REXO5: variants seen among roughly 807,000 people sequenced by gnomAD.
The protein encoded by REXO5 is exonuclease NEF-sp.
Under a neutral mutation model 88.5 loss-of-function variants are expected in REXO5, and 48 were observed. The observed-to-expected ratio is 0.54, with a 90% CI of 0.43 to 0.69. The LOEUF is 0.69. REXO5 is among the 30% of genes least tolerant of loss of function. The probability of loss-of-function intolerance (pLI) is 0.00; values close to 1 mark genes in which losing one functional copy is unlikely to be tolerated. For synonymous variants in REXO5, 311 were observed against 336.5 expected, an observed-to-expected ratio of 0.92 and a Z score of 0.83; for missense variants, 749 against 912.2, an observed-to-expected ratio of 0.82 and a Z score of 2.30.
intron 11 of REXO5, among the ~76,000 whole-genome samples, chr16:20,828,791 G>A (rs369850828): frequency 3.5e-4 from 54 of 152,228 alleles, no homozygotes; most frequent in African/African-American, 1.3e-3. Context: ...GCCAGGTGTG[G>A]TGGCGCGTGC....
At chr16:20,807,335 T>G in intron 2 of REXO5, 1 of 491,610 alleles carries the variant, frequency 2.0e-6, no homozygotes, top group Non-Finnish European at 3.6e-6. Flanking sequence ...TTCCAGCACT[T>G]TGGGAGGCCG....
chr16:20,842,504 G>A (rs1254610352), intron 15 of REXO5, among the ~76,000 whole-genome samples: 1 of 147,600 alleles, frequency 6.8e-6, no homozygotes, highest in Non-Finnish European at 1.5e-5. Context: ...TTTGAGATAG[G>A]GTCTTGCTCA....
At chr16:20,812,641 A>C (rs538695079) in intron 2 of REXO5, among the ~76,000 whole-genome samples, 1 of 152,186 alleles carries the variant, frequency 6.6e-6, no homozygotes, top group Non-Finnish European at 1.5e-5. Context: ...GCATTGATCT[A>C]TGATCTGGCT....
intron 15 of REXO5, 144 bp from the exon 16 acceptor site, chr16:20,843,790 T>G: frequency 2.0e-6 from 1 of 494,308 alleles, no homozygotes; most frequent in Non-Finnish European, 3.6e-6. Context: ...GTTGACAGTT[T>G]ACAATCAATA....
intron 6 of REXO5, among the ~76,000 whole-genome samples, chr16:20,823,143 G>A (rs1412099494): frequency 1.3e-5 from 2 of 152,186 alleles, no homozygotes; most frequent in African/African-American, 4.8e-5. Flanking sequence ...TGATGATTTT[G>A]AGCAACTTTT....
intron 7 of REXO5, 144 bp downstream of exon 7, chr16:20,824,671 C>G: frequency 3.1e-6 from 2 of 640,968 alleles, no homozygotes; most frequent in East Asian, 5.7e-5. Flanking sequence ...TCCTTTTACT[C>G]ACACTTTAGA....
At position 20,824,504 on chromosome 16, in the gene REXO5, C is replaced by T; in HGVS notation, c.682C>T (p.Leu228Phe). ...TGGTTCTATAGCAGACAATAGTCCT[C>T]TCTTTGGACTTGACTGTGAAATGGC... ...CNGSIADNSP[L>F]FGLDCEMCLT... Residue 228 changes from leucine (L) to phenylalanine (F), a missense_variant, in exon 7 of 20, where the codon CTC becomes TTC. Physicochemically the swap from Leu to Phe is conservative, Grantham distance 22. Transcript: ENST00000261377. 1 of 1,609,382 alleles carries T rather than the reference C, an allele frequency of 6.2e-7. No individual in the cohort carries two copies. The highest frequency in any genetic ancestry group is 8.5e-7 in the Non-Finnish European group (1 of 1,176,200).
At chr16:20,834,007 TC>T (rs2152508473) in intron 13 of REXO5, among the ~76,000 whole-genome samples, 1 of 152,348 alleles carries the variant, frequency 6.6e-6, no homozygotes, top group South Asian at 2.1e-4. Flanking sequence ...CTTTTTAGTC[TC>T]CTTTAAAGCT....
At chr16:20,812,269 C>T (rs1194819678) in intron 2 of REXO5, among the ~76,000 whole-genome samples, 1 of 152,136 alleles carries the variant, frequency 6.6e-6, no homozygotes, top group South Asian at 2.1e-4. Context: ...TGCTTGTAAT[C>T]CCAGCACTTT....
At chr16:20,818,965 T>C (rs928234382) in intron 5 of REXO5, among the ~76,000 whole-genome samples, 4 of 152,208 alleles carry the variant, frequency 2.6e-5, no homozygotes, top group Non-Finnish European at 5.9e-5. Context: ...AAATGTGTGT[T>C]GTCATGTGTC....
intron 13 of REXO5, among the ~76,000 whole-genome samples, chr16:20,839,023 G>A (rs956808672): frequency 2.0e-5 from 3 of 152,176 alleles, no homozygotes; most frequent in South Asian, 2.1e-4. Context: ...GTTCTGGTCC[G>A]TATATTGTTG....
At chr16:20,840,885 C>T (rs1005350566) in intron 15 of REXO5, among the ~76,000 whole-genome samples, 17 of 152,020 alleles carry the variant, frequency 1.1e-4, no homozygotes, top group Admixed American at 6.6e-4. Flanking sequence ...CCAGGCCATA[C>T]GAAAAAATAT....
In REXO5 at chr16:20,821,869, G is replaced by A; in HGVS notation, c.583G>A (p.Glu195Lys). ...CTTGACCAGATGCCTTCTGACAAAGGAGGAAATGAGAACGTTTCACTTTCC... is the reference window on the plus strand; with the variant it reads ...CTTGACCAGATGCCTTCTGACAAAGAAGGAAATGAGAACGTTTCACTTTCC... The part of the protein sequence containing the change: ...VGLTRCLLTK[E>K]EMRTFHFPLQ... The change falls in exon 6 of 20, where the codon GAG (glutamate) becomes AAG (lysine). Residue 195 changes from glutamate (E) to lysine (K), a missense_variant. By Grantham distance (56) the Glu-to-Lys change is moderately conservative (BLOSUM62 1). Coordinates refer to ENST00000261377, the MANE Select transcript of REXO5 (RefSeq NM_030941.3). The A allele has an allele frequency of 1.3e-6, 2 of 1,597,428 alleles. No individual in the cohort carries two copies. Among genetic ancestry groups the A allele is most frequent in the Non-Finnish European group, 1.7e-6 (2 of 1,174,706 alleles).
intron 7 of REXO5, among the ~76,000 whole-genome samples, chr16:20,825,064 G>A (rs557607440): frequency 1.2e-4 from 18 of 152,250 alleles, no homozygotes; most frequent in African/African-American, 4.3e-4. Context: ...GTCTTTGCAT[G>A]TTGCTAGAAG....
At position 20,839,642 on chromosome 16, in the gene REXO5, C is replaced by A. The variant is rs185477833; in HGVS notation, c.1384-113C>A. On this transcript the variant is annotated intron_variant, in intron 13 of 19. Coordinates refer to ENST00000261377, the MANE Select transcript of REXO5 (RefSeq NM_030941.3). ...AGACCTGGAAGTCAGCCCCATATTA[C>A]CTTTCAGTATGCGTAAAAAGACAAC... is the stretch of plus-strand genomic sequence containing the variant. The A allele has an allele frequency of 8.5e-6, 5 of 589,924 alleles. No homozygotes were observed. In the East Asian group the frequency reaches 1.1e-4, roughly 13 times the overall value. The allele number at this position is 589,924 out of a possible 1,614,324, so 36.5% of individuals were successfully genotyped here.
chr16:20,842,943 A>G (rs978370267), intron 15 of REXO5, among the ~76,000 whole-genome samples: 3 of 152,176 alleles, frequency 2.0e-5, no homozygotes, highest in Non-Finnish European at 4.4e-5. Context: ...TGGCTATACC[A>G]TTTTACATTC....
At chr16:20,830,089 T>C (rs549310352) in intron 11 of REXO5, among the ~76,000 whole-genome samples, 1 of 152,376 alleles carries the variant, frequency 6.6e-6, no homozygotes, top group African/African-American at 2.4e-5. Flanking sequence ...TAAAACCCTT[T>C]TGGTCTCATG....
chr16:20,836,122 C>A (rs997221699), intron 13 of REXO5, among the ~76,000 whole-genome samples: 16 of 152,152 alleles, frequency 1.1e-4, no homozygotes, highest in African/African-American at 3.6e-4. Context: ...CAACCTGTAC[C>A]TGGGTAGTAC....
chr16:20,846,409 C>T, intron 19 of REXO5, 70 bp downstream of exon 19: 1 of 1,186,150 alleles, frequency 8.4e-7, no homozygotes, highest in African/African-American at 1.5e-5. Context: ...GAGAAAAAGC[C>T]TTTTGCTGAT....
Sources: allele counts gnomAD v4.1 joint callset (sites outside exome capture counted in the v4.1 genomes callset), GRCh38; gene constraint gnomAD v4.1.1; transcripts MANE v1.5; gene names NCBI Gene and HGNC (gene_info 2026-07-23, HGNC 2026-07-21).